The following CCDC150 variants were observed in gnomAD, a reference collection of about 807,000 sequenced individuals.
CCDC150 encodes coiled-coil domain containing 150.
In CCDC150, 151 loss-of-function variants were observed where a neutral mutation model predicts 156.5. The observed-to-expected ratio is 0.97, with a 90% CI of 0.85 to 1.10. The LOEUF is 1.10. CCDC150 is among the 50% of genes least tolerant of loss of function. The probability of loss-of-function intolerance (pLI) is 0.00; values close to 1 mark genes in which losing one functional copy is unlikely to be tolerated. For synonymous variants in CCDC150, 452 were observed against 429.4 expected (o/e 1.05, Z -0.65); for missense variants, 1,312 against 1,268.1 (o/e 1.03, Z -0.53).
Position 196,677,297 on chromosome 2 carries a change from A to G in CCDC150, c.1445A>G (p.Asn482Ser). Residue 482 changes from asparagine to serine, a missense_variant, in exon 13 of 28, where the codon AAT becomes AGT. By Grantham distance (46) the Asn-to-Ser change is conservative. Transcript: ENST00000389175. The stretch of plus-strand genomic sequence containing the variant: ...TTTCCCATCCTCCTTGGGCAGGTTA[A>G]TAAAACAGAAAAAGAAATAGTGCAA... ...EEKERFQREV[N>S]KTEKEIVQER... The G allele has an allele frequency of 6.4e-7, 1 of 1,566,714 alleles. No homozygotes were observed. The highest frequency in any genetic ancestry group is 8.7e-7 in the Non-Finnish European group (1 of 1,154,180).
chr2:196,666,719 G>A lies in CCDC150; in HGVS notation c.763G>A (p.Val255Met). 1 of 1,597,210 alleles carries A rather than the reference G, an allele frequency of 6.3e-7. No individual in the cohort carries two copies. The highest frequency in any genetic ancestry group is 8.5e-7 in the Non-Finnish European group (1 of 1,173,400). Residue 255 changes from valine to methionine, a missense_variant and splice_region_variant, in exon 7 of 28, where the codon GTG becomes ATG. Transcript: ENST00000389175. ...GSTVEVERKQ[V>M]HILQQNCIAL... is the part of the protein sequence containing the mutation. ...AAGAGTTTTTCTTATACAATTTCAG[G>A]TGCACATTTTGCAGCAAAACTGCAT...
At chr2:196,674,096 T>A (rs1694358003) in intron 9 of CCDC150, 145 bp from the exon 10 acceptor site, 5 of 515,342 alleles carry the variant, frequency 9.7e-6, no homozygotes, top group Non-Finnish European at 1.7e-5. Context: ...TTTTTTAAAC[T>A]AATGACATGT....
intron 15 of CCDC150, among the ~76,000 whole-genome samples, chr2:196,702,077 TAAATAA>T (rs1468380380): frequency 6.6e-6 from 1 of 151,936 alleles, no homozygotes; most frequent in Non-Finnish European, 1.5e-5. Flanking sequence ...AAAAATTAAA[TAAATAA>T]AAATTAGGCA....
intron 5 of CCDC150, 24 bp from the exon 6 acceptor site, chr2:196,665,543 C>A: frequency 7.0e-7 from 1 of 1,421,598 alleles, no homozygotes; most frequent in Non-Finnish European, 9.7e-7. Context: ...ATTGGTCTTG[C>A]CTAACTGCAG....
At position 196,712,270 on chromosome 2, in the gene CCDC150, A is replaced by C; in HGVS notation, c.1803+18A>C. 1 of 1,304,184 alleles carries C rather than the reference A, an allele frequency of 7.7e-7. No homozygotes were observed. Among genetic ancestry groups the C allele is most frequent in the Non-Finnish European group, 1.1e-6 (1 of 941,526 alleles). The allele number at this position is 1,304,184 out of a possible 1,614,324, so 80.8% of individuals were successfully genotyped here. On this transcript the variant is annotated intron_variant, in intron 16 of 27. Transcript: ENST00000389175. The stretch of plus-strand genomic sequence containing the variant: ...ATGCTCAGGTGTGATTAATATCTAC[A>C]AAAGCGGATTGCTGCTATATTTCGT...
At chr2:196,724,238 T>C (rs908820657) in intron 21 of CCDC150, among the ~76,000 whole-genome samples, 1 of 152,178 alleles carries the variant, frequency 6.6e-6, no homozygotes, top group Admixed American at 6.5e-5. Context: ...TGCTTAAAAT[T>C]TGTTAAGAGG....
chr2:196,644,468 C>T (rs547460813), intron 1 of CCDC150, among the ~76,000 whole-genome samples: 70 of 152,230 alleles, frequency 4.6e-4, no homozygotes, highest in Non-Finnish European at 8.1e-4. Flanking sequence ...TCCAGCCCGA[C>T]GGGCTTACTC....
At chr2:196,639,831 T>A in intron 1 of CCDC150, 53 bp downstream of exon 1, 1 of 1,530,928 alleles carries the variant, frequency 6.5e-7, no homozygotes, top group Non-Finnish European at 8.9e-7. Context: ...CTCGCGAGGC[T>A]TCGGCTCAGA....
In CCDC150 at chr2:196,729,272, C is replaced by T. The variant is rs767812568; in HGVS notation, c.2636C>T (p.Ala879Val). Reference protein sequence around the residue: ...RTNRELRQKLAELEKILESNK... With the variant: ...RTNRELRQKLVELEKILESNK... ...AACCGAGAGCTGCGACAGAAACTTG[C>T]AGAGCTAGAAAAAATACTAGAAAGT... The change falls in exon 23 of 28, where the codon GCA (alanine) becomes GTA (valine). Residue 879 changes from alanine to valine, a missense_variant. Coordinates refer to ENST00000389175, the MANE Select transcript of CCDC150 (RefSeq NM_001080539.2). 4 of 1,613,326 alleles carry T rather than the reference C, an allele frequency of 2.5e-6. No individual in the cohort carries two copies. The East Asian group carries it at 8.9e-5, about 36-fold the overall frequency.
chr2:196,707,281 T>C (rs1696719845), intron 15 of CCDC150, among the ~76,000 whole-genome samples: 1 of 152,214 alleles, frequency 6.6e-6, no homozygotes, highest in Non-Finnish European at 1.5e-5. Flanking sequence ...CTAGATTTTC[T>C]GGTTTATTTG....
At chr2:196,671,419 T>TTC (rs1173828147) in intron 8 of CCDC150, among the ~76,000 whole-genome samples, 4 of 143,920 alleles carry the variant, frequency 2.8e-5, no homozygotes, top group South Asian at 2.3e-4. Context: ...TTTCTTTCTT[T>TTC]TCTCTCTCTT....
intron 15 of CCDC150, among the ~76,000 whole-genome samples, chr2:196,711,162 A>C (rs933250453): frequency 6.6e-6 from 1 of 152,196 alleles, no homozygotes; most frequent in South Asian, 2.1e-4. Flanking sequence ...TGAAAAGTAC[A>C]CAGGGCACAG....
At chr2:196,715,830 C>T (rs1697460063) in intron 17 of CCDC150, among the ~76,000 whole-genome samples, 1 of 152,034 alleles carries the variant, frequency 6.6e-6, no homozygotes, top group African/African-American at 2.4e-5. Flanking sequence ...ATATCAAAAG[C>T]ATGATCCATA....
At chr2:196,659,481 G>C (rs1693426961) in intron 5 of CCDC150, among the ~76,000 whole-genome samples, 1 of 152,120 alleles carries the variant, frequency 6.6e-6, no homozygotes, top group East Asian at 1.9e-4. Context: ...ATACAAAATA[G>C]AGAAGTAGAC....
intron 20 of CCDC150, among the ~76,000 whole-genome samples, chr2:196,721,064 T>C (rs1022700950): frequency 1.3e-5 from 2 of 152,066 alleles, no homozygotes; most frequent in African/African-American, 2.4e-5. Context: ...CATGCATACA[T>C]ATCTATATGC....
At chr2:196,717,815 C>A (rs925087123) in intron 17 of CCDC150, among the ~76,000 whole-genome samples, 2 of 151,868 alleles carry the variant, frequency 1.3e-5, no homozygotes, top group East Asian at 3.9e-4. Context: ...CGCTTGATCC[C>A]GGAAGGTGGA....
In CCDC150 at chr2:196,652,908, G is replaced by A. The variant is rs181154610; in HGVS notation, c.177-3725G>A. Among the ~76,000 whole-genome samples the A allele has an allele frequency of 2.0e-5, 3 of 152,318 alleles. No homozygotes were observed. In the East Asian group the frequency reaches 5.8e-4, roughly 29 times the overall value. On this transcript the variant is annotated intron_variant, in intron 2 of 27. Coordinates refer to ENST00000389175, the MANE Select transcript of CCDC150 (RefSeq NM_001080539.2). ...CCACATGGAAACTACAAAGGCTTAT[G>A]GCCTATGTCCTCTGAAGCAGTGACC...
At position 196,657,025 on chromosome 2, in the gene CCDC150, C is replaced by T. The variant is rs762923560; in HGVS notation, c.465C>T (p.Leu155=). 4 of 1,613,610 alleles carry T rather than the reference C, an allele frequency of 2.5e-6. No homozygotes were observed. The East Asian group carries it at 6.7e-5, about 27-fold the overall frequency. Residue 155 remains leucine, a synonymous_variant, in exon 4 of 28, where the codon CTC becomes CTT. Coordinates refer to ENST00000389175, the MANE Select transcript of CCDC150 (RefSeq NM_001080539.2). The part of the protein sequence containing the change: ...EHSKDLKLLH[L]EVMNLRQQLR... ...CTAAGGACCTGAAGCTGTTGCATCT[C>T]GAAGTTATGAATTTGCGCCAGCAAC...
At position 196,669,881 on chromosome 2, in the gene CCDC150, G is replaced by A. The variant is rs1694096532; in HGVS notation, c.936+5G>A. The A allele has an allele frequency of 3.7e-6, 6 of 1,609,804 alleles. No individual in the cohort carries two copies. The highest frequency in any genetic ancestry group is 5.1e-6 in the Non-Finnish European group (6 of 1,177,148). ...AAGTTGGTTGAAGAAAATAAGGTGA[G>A]TTTTGAAGTTGTGGAGTACAGAGGT... is the stretch of plus-strand genomic sequence containing the variant. On this transcript the variant is annotated splice_donor_5th_base_variant and intron_variant, in intron 8 of 27. Transcript: ENST00000389175.
Sources: gnomAD v4.1 joint callset for allele counts (sites outside exome capture counted in the v4.1 genomes callset) on GRCh38, gnomAD v4.1.1 for gene constraint, MANE v1.5 for transcripts, NCBI Gene and HGNC (gene_info 2026-07-23, HGNC 2026-07-21) for gene names.